ARL15: variants seen among roughly 807,000 people sequenced by gnomAD.
ARL15 encodes ARF like GTPase 15, also known as ADP-ribosylation factor-like protein 15.
Under a neutral mutation model 25.2 loss-of-function variants are expected in ARL15, and 19 were observed. That is an observed-to-expected ratio of 0.75 (90% CI 0.53 to 1.10). The LOEUF is 1.10. Ranked by LOEUF, ARL15 falls within the 50% of genes least tolerant of loss-of-function variation. ARL15 has a pLI of 0.00. For synonymous variants in ARL15, 94 were observed against 86.8 expected (o/e 1.08, Z -0.46); for missense variants, 220 against 246.0 (o/e 0.89, Z 0.71).
chr5:53,992,905 G>A (rs1748551749), intron 4 of ARL15, among the ~76,000 whole-genome samples: 1 of 152,148 alleles, frequency 6.6e-6, no homozygotes, highest in Non-Finnish European at 1.5e-5. Context: ...AATTAGCTGG[G>A]CGTAGTGGCG....
intron 1 of ARL15, among the ~76,000 whole-genome samples, chr5:54,306,160 A>T (rs1758748996): frequency 6.6e-6 from 1 of 152,194 alleles, no homozygotes; most frequent in Non-Finnish European, 1.5e-5. Flanking sequence ...TGCAGAAAGT[A>T]AGGGCTCCAT....
In ARL15 at chr5:54,246,494, T is replaced by C. The variant is rs369759043; in HGVS notation, c.48+63938A>G. Among the ~76,000 whole-genome samples, 73 of 152,110 alleles carry C rather than the reference T, an allele frequency of 4.8e-4. 1 individual carries two copies. Among genetic ancestry groups the C allele is most frequent in the African/African-American group, 1.2e-3 (51 of 41,482 alleles). ...GTCCAAAACTAACCTCCCCCAAACA[T>C]GTTCCTCCTCCCAAATTCTCTATCC... On this transcript the variant is annotated intron_variant, in intron 1 of 4. Coordinates refer to ENST00000504924, the MANE Select transcript of ARL15 (RefSeq NM_019087.3).
Position 54,246,797 on chromosome 5 carries a change from TACACACACACACACACACACAC to T in ARL15, c.48+63613_48+63634del, listed in dbSNP as rs61025147. Among the ~76,000 whole-genome samples, 209 of 138,992 alleles carry T rather than the reference TACACACACACACACACACACAC, an allele frequency of 1.5e-3. 3 individuals carry two copies. The highest frequency in any genetic ancestry group is 1.3e-3 in the Non-Finnish European group (83 of 65,098). 91.2% of individuals were successfully genotyped at this position (138,992 alleles called of 152,430 possible). A position where few individuals can be genotyped will look rare whatever the true frequency, so the allele number is the denominator to read the frequency against. On this transcript the variant is annotated intron_variant, in intron 1 of 4. Transcript: ENST00000504924. ...CCTCTTTTTATATACAAAGCATGCATACACACACACACACACACACACACACACACACACACACACACACACA... is the reference window on the plus strand; with the variant it reads ...CCTCTTTTTATATACAAAGCATGCATACACACACACACACACACACACACA...
intron 4 of ARL15, among the ~76,000 whole-genome samples, chr5:54,040,613 T>C (rs1277216026): frequency 6.6e-6 from 1 of 152,162 alleles, no homozygotes; most frequent in East Asian, 1.9e-4. Context: ...GTTTTTTAAA[T>C]CCTCAAAGCC....
At position 53,918,784 on chromosome 5, in the gene ARL15, G is replaced by A. The variant is rs181856276; in HGVS notation, c.463-32071C>T. Among the ~76,000 whole-genome samples the A allele has an allele frequency of 4.4e-3, 667 of 151,874 alleles. 7 individuals are homozygous for A. Among genetic ancestry groups the A allele is most frequent in the African/African-American group, 0.015 (640 of 41,382 alleles). Reference sequence around the variant, plus strand: ...AGAGTCTGAGTATCTGGAAGCAAAAGAGAGGAGATTTTGAAATATATCTTA... The same window carrying A: ...AGAGTCTGAGTATCTGGAAGCAAAAAAGAGGAGATTTTGAAATATATCTTA... On this transcript the variant is annotated intron_variant, in intron 4 of 4. Transcript: ENST00000504924.
chr5:54,029,206 A>C (rs1749883201), intron 4 of ARL15, among the ~76,000 whole-genome samples: 1 of 152,094 alleles, frequency 6.6e-6, no homozygotes, highest in Non-Finnish European at 1.5e-5. Flanking sequence ...AATGGGGATG[A>C]TTACAGTAAC....
intron 4 of ARL15, among the ~76,000 whole-genome samples, chr5:53,887,708 G>C (rs1034800139): frequency 6.6e-6 from 1 of 152,106 alleles, no homozygotes; most frequent in African/African-American, 2.4e-5. Context: ...CATCAAAAGA[G>C]ACATTGCTCA....
intron 3 of ARL15, among the ~76,000 whole-genome samples, chr5:54,151,698 T>A (rs1357632519): frequency 6.6e-6 from 1 of 151,530 alleles, no homozygotes; most frequent in East Asian, 2.0e-4. Context: ...AAACATATGT[T>A]TGTGTGTGCA....
At chr5:54,020,165 C>T (rs574621590) in intron 4 of ARL15, among the ~76,000 whole-genome samples, 5 of 152,342 alleles carry the variant, frequency 3.3e-5, no homozygotes, top group Non-Finnish European at 4.4e-5. Context: ...GACCCTCCCC[C>T]TCTCACACTG....
At chr5:54,051,410 CT>C (rs1332605944) in intron 4 of ARL15, among the ~76,000 whole-genome samples, 1 of 152,174 alleles carries the variant, frequency 6.6e-6, no homozygotes, top group Non-Finnish European at 1.5e-5. Flanking sequence ...CTTCCTGTTC[CT>C]TTGCTTTAAT....
intron 4 of ARL15, among the ~76,000 whole-genome samples, chr5:53,971,557 C>T (rs702639): frequency 0.33 from 50,624 of 151,886 alleles, 9,312 homozygotes; most frequent in Middle Eastern, 0.46. Context: ...CATTCATTTA[C>T]ACACAGCTAT....
chr5:54,183,772 A>G, intron 1 of ARL15, among the ~76,000 whole-genome samples: 1 of 151,076 alleles, frequency 6.6e-6, no homozygotes, highest in Non-Finnish European at 1.5e-5. Flanking sequence ...ATGACTATAA[A>G]TCATGCTGCT....
At chr5:54,268,493 T>C (rs1579966966) in intron 1 of ARL15, among the ~76,000 whole-genome samples, 1 of 152,248 alleles carries the variant, frequency 6.6e-6, no homozygotes, top group Admixed American at 6.5e-5. Flanking sequence ...CGTCCAGCTT[T>C]GTTCCATTGC....
chr5:54,003,672 CTATCTAT>C (rs1164021399), intron 4 of ARL15, among the ~76,000 whole-genome samples: 1 of 77,490 alleles, frequency 1.3e-5, no homozygotes, highest in Admixed American at 1.3e-4. Context: ...TTCTATCTAT[CTATCTAT>C]CTATCTATCT....
chr5:54,192,404 CA>C (rs1462861297), intron 1 of ARL15, among the ~76,000 whole-genome samples: 1 of 152,066 alleles, frequency 6.6e-6, no homozygotes, highest in East Asian at 1.9e-4. Context: ...AGTCTCCCCT[CA>C]CTAGAACATA....
At chr5:54,037,155 T>C (rs1750193041) in intron 4 of ARL15, among the ~76,000 whole-genome samples, 1 of 151,890 alleles carries the variant, frequency 6.6e-6, no homozygotes, top group South Asian at 2.1e-4. Context: ...ATCCCCACAA[T>C]ATCTAAAACT....
At chr5:54,120,466 A>G (rs1403715790) in intron 3 of ARL15, among the ~76,000 whole-genome samples, 1 of 152,192 alleles carries the variant, frequency 6.6e-6, no homozygotes, top group Non-Finnish European at 1.5e-5. Context: ...ATTCTATCCT[A>G]TTTATGAACC....
Position 53,904,505 on chromosome 5 carries a change from T to C in ARL15, c.463-17792A>G, listed in dbSNP as rs189060429. ...TTGGATTGGATTTAGATAAGATAAC[T>C]ACAAAGGATTGAGAGGGAAAGATGC... On this transcript the variant is annotated intron_variant, in intron 4 of 4. Transcript: ENST00000504924. 3.5e-3 allele frequency among the ~76,000 whole-genome samples: 528 copies of C among 152,272 alleles called. 1 individual carries two copies. Among genetic ancestry groups the C allele is most frequent in the Non-Finnish European group, 6.1e-3 (417 of 68,020 alleles).
At chr5:53,958,914 A>C (rs1197875974) in intron 4 of ARL15, among the ~76,000 whole-genome samples, 1 of 152,232 alleles carries the variant, frequency 6.6e-6, no homozygotes, top group Non-Finnish European at 1.5e-5. Context: ...TATGAAGCCA[A>C]CATTTACAAA....
Sources: gnomAD v4.1 joint callset for allele counts (sites outside exome capture counted in the v4.1 genomes callset) on GRCh38, gnomAD v4.1.1 for gene constraint, MANE v1.5 for transcripts, NCBI Gene and HGNC (gene_info 2026-07-23, HGNC 2026-07-21) for gene names.